The following CAPN1 variants were observed in gnomAD, a reference collection of about 807,000 sequenced individuals.
CAPN1 encodes calpain 1.
CAPN1 carries 77 observed loss-of-function variants against 105.2 expected under a neutral mutation model. That is an observed-to-expected ratio of 0.73 (90% CI 0.61 to 0.88). The LOEUF is 0.88. Among genes scored for constraint, CAPN1 ranks in the 40% least tolerant of loss-of-function variants. CAPN1 has a pLI of 0.00. For synonymous variants in CAPN1, 355 were observed against 388.8 expected, an observed-to-expected ratio of 0.91 and a Z score of 1.02; for missense variants, 833 against 976.6, an observed-to-expected ratio of 0.85 and a Z score of 1.96.
chr11:65,189,165 A>C (rs566307150), intron 10 of CAPN1, among the ~76,000 whole-genome samples: 4 of 152,200 alleles, frequency 2.6e-5, no homozygotes, highest in Non-Finnish European at 2.9e-5. Flanking sequence ...CTGGGATTAC[A>C]GGCACCTACC....
In CAPN1 at chr11:65,186,184, A is replaced by G; in HGVS notation, c.605A>G (p.Tyr202Cys). ...GCTGCCCACAGGGTAAATGGCAGCT[A>G]CGAGGCCCTGTCAGGGGGCAGCACC... ...EKAYAKVNGS[Y>C]EALSGGSTSE... is the part of the protein sequence containing the mutation. The change falls in exon 6 of 22, where the codon TAC becomes TGC. Residue 202 changes from tyrosine (Y) to cysteine (C), a missense_variant. Tyr to Cys is a radical substitution (Grantham distance 194). Transcript: ENST00000279247. 6.2e-7 allele frequency: 1 copy of G among 1,613,382 alleles called. No individual in the cohort carries two copies. The highest frequency in any genetic ancestry group is 8.5e-7 in the Non-Finnish European group (1 of 1,179,620).
chr11:65,208,924 C>A lies in CAPN1; in HGVS notation c.1730-399C>A. 1 of 268,066 alleles carries A rather than the reference C, an allele frequency of 3.7e-6. No homozygotes were observed. The highest frequency in any genetic ancestry group is 7.4e-6 in the Non-Finnish European group (1 of 135,844). The allele number at this position is 268,066 out of a possible 1,614,324, so 16.6% of individuals were successfully genotyped here. A position where few individuals can be genotyped will look rare whatever the true frequency, so the allele number is the denominator to read the frequency against. ...GCAGACAACTGCTGGCCTCTCATCC[C>A]CTCCCCTCCCCTTTGCTGCCACTGA... On this transcript the variant is annotated intron_variant, in intron 16 of 21. Transcript: ENST00000279247. This position sits in a 1 kb window ranked among gnomAD's most constrained non-coding sequence, Gnocchi z 4.1.
At chr11:65,185,366 G>C (rs1948616916) in intron 4 of CAPN1, among the ~76,000 whole-genome samples, 1 of 152,062 alleles carries the variant, frequency 6.6e-6, no homozygotes, top group Non-Finnish European at 1.5e-5. Flanking sequence ...TTATGTAGAT[G>C]AAACCTCACA....
chr11:65,186,975 C>T (rs987395657), intron 6 of CAPN1, among the ~76,000 whole-genome samples: 4 of 152,194 alleles, frequency 2.6e-5, no homozygotes, highest in African/African-American at 7.2e-5. Flanking sequence ...GCAGTGTCAG[C>T]GGAGTGCCTG....
chr11:65,209,349 A>G lies in CAPN1; in HGVS notation c.1756A>G (p.Ser586Gly), dbSNP rs531407436. 1 of 1,613,814 alleles carries G rather than the reference A, an allele frequency of 6.2e-7. No homozygotes were observed. The highest frequency in any genetic ancestry group is 1.3e-5 in the African/African-American group (1 of 75,044). Residue 586 changes from serine to glycine, a missense_variant, in exon 17 of 22, where the codon AGC becomes GGC. Physicochemically the swap from Ser to Gly is moderately conservative, Grantham distance 56. Coordinates refer to ENST00000279247, the MANE Select transcript of CAPN1 (RefSeq NM_005186.4). This position sits in a 1 kb window ranked among gnomAD's most constrained non-coding sequence, Gnocchi z 4.1. ...CAAAGACCTGCGGACCAAGGGCTTCAGCCTAGAGTCGTGCCGCAGCATGGT... is the reference window on the plus strand; with the variant it reads ...CAAAGACCTGCGGACCAAGGGCTTCGGCCTAGAGTCGTGCCGCAGCATGGT... ...KHKDLRTKGFSLESCRSMVNL... is the reference protein window; with the variant it reads ...KHKDLRTKGFGLESCRSMVNL...
In CAPN1 at chr11:65,211,664, T is replaced by C; in HGVS notation, c.*378T>C. 3.0e-6 allele frequency: 1 copy of C among 329,296 alleles called. No individual in the cohort carries two copies. The highest frequency in any genetic ancestry group is 4.6e-5 in the South Asian group (1 of 21,578). 20.4% of individuals were successfully genotyped at this position (329,296 alleles called of 1,614,324 possible). ...CCGGCCTGGCCTTGCCTGCAGACTA[T>C]AAACTATAACCACTAGCTCGACACA... On this transcript the variant is annotated 3_prime_UTR_variant, in exon 22 of 22. Transcript: ENST00000279247.
intron 4 of CAPN1, among the ~76,000 whole-genome samples, chr11:65,185,511 A>G (rs889047791): frequency 6.6e-6 from 1 of 151,848 alleles, no homozygotes; most frequent in African/African-American, 2.4e-5. Flanking sequence ...TACAGATGCA[A>G]ATCTCCCCCA....
intron 12 of CAPN1, chr11:65,206,128 A>G: frequency 1.9e-6 from 1 of 523,032 alleles, no homozygotes; most frequent in East Asian, 3.3e-5. Context: ...TGGGTGTAAC[A>G]GCAGAACAGC....
intron 4 of CAPN1, 115 bp downstream of exon 4, chr11:65,183,707 G>A (rs1948588557): frequency 2.9e-6 from 2 of 697,216 alleles, no homozygotes; most frequent in Non-Finnish European, 5.0e-6. Context: ...CCTCTAGCAG[G>A]TATTTGACCT....
intron 10 of CAPN1, among the ~76,000 whole-genome samples, chr11:65,192,170 G>A (rs1448309845): frequency 6.6e-6 from 1 of 152,102 alleles, no homozygotes. Context: ...GGGAGGTAGA[G>A]GCTACAGTGA....
At chr11:65,182,657 T>C (rs762380119) in intron 1 of CAPN1, 44 bp from the exon 2 acceptor site, 27 of 1,470,352 alleles carry the variant, frequency 1.8e-5, no homozygotes, top group Non-Finnish European at 2.2e-5. Context: ...CAGGTTCTAG[T>C]CTTGGGAAGG....
intron 11 of CAPN1, 93 bp from the exon 12 acceptor site, chr11:65,205,617 C>A: frequency 1.6e-6 from 2 of 1,258,160 alleles, no homozygotes; most frequent in South Asian, 2.4e-5. Flanking sequence ...CCATCAGTCC[C>A]GTCTAAGAAC....
chr11:65,203,201 T>TTTTC (rs1948897678), intron 10 of CAPN1, among the ~76,000 whole-genome samples: 1 of 152,156 alleles, frequency 6.6e-6, no homozygotes, highest in Non-Finnish European at 1.5e-5. Flanking sequence ...ATTCTCTCTT[T>TTTTC]TTTTTTTTAA....
Position 65,209,977 on chromosome 11 carries a change from G to A in CAPN1, c.1864-41G>A, listed in dbSNP as rs200946948. On this transcript the variant is annotated intron_variant, in intron 18 of 21. Transcript: ENST00000279247. The surrounding 1 kb of genome is among the most constrained non-coding windows in gnomAD (Gnocchi z 4.1). The stretch of plus-strand genomic sequence containing the variant: ...GCGGGCCGGGCAGGTGGGAAGGGCC[G>A]GGTGACTCAGCCTGGCCCTCACCCT... The A allele has an allele frequency of 1.1e-5, 17 of 1,610,060 alleles. No homozygotes were observed. Among genetic ancestry groups the A allele is most frequent in the East Asian group, 6.7e-5 (3 of 44,852 alleles).
chr11:65,205,882 CAT>C (rs1410293253), intron 12 of CAPN1, 161 bp downstream of exon 12: 1 of 692,210 alleles, frequency 1.4e-6, no homozygotes, highest in Non-Finnish European at 2.6e-6. Flanking sequence ...GCAGAGCAAA[CAT>C]TGCTCTCCTG....
At chr11:65,196,278 A>G (rs911266307) in intron 10 of CAPN1, among the ~76,000 whole-genome samples, 2 of 150,446 alleles carry the variant, frequency 1.3e-5, no homozygotes, top group African/African-American at 4.9e-5. Flanking sequence ...CAATTTGCCC[A>G]TTTTCTTTTT....
intron 12 of CAPN1, 106 bp downstream of exon 12, chr11:65,205,827 C>T (rs533729468): frequency 2.0e-6 from 2 of 999,920 alleles, no homozygotes; most frequent in Admixed American, 3.6e-5. Context: ...AAGAAGTCAC[C>T]TTGTTTCACT....
rs148743672 is a variant in CAPN1, at chr11:65,209,374, T to C, written c.1781T>C (p.Val594Ala). ...GFSLESCRSMVNLMDRDGNGK... is the reference protein window; with the variant it reads ...GFSLESCRSMANLMDRDGNGK... ...AGCCTAGAGTCGTGCCGCAGCATGG[T>C]GAACCTCATGGATGTATCCTTCCGT... Residue 594 changes from valine (V) to alanine (A), a missense_variant, in exon 17 of 22, where the codon GTG (valine) becomes GCG (alanine). Transcript: ENST00000279247. The surrounding 1 kb of genome is among the most constrained non-coding windows in gnomAD (Gnocchi z 4.1). 5,143 of 1,613,618 alleles carry C rather than the reference T, an allele frequency of 3.2e-3. 18 individuals carry two copies. Among genetic ancestry groups the C allele is most frequent in the Non-Finnish European group, 3.9e-3 (4,653 of 1,179,670 alleles).
upstream of CAPN1, chr11:65,181,670 C>T (rs953856410): frequency 4.5e-5 from 15 of 335,932 alleles, no homozygotes; most frequent in Admixed American, 2.1e-4. This position sits in a 1 kb window ranked among gnomAD's most constrained non-coding sequence, Gnocchi z 4.6. Flanking sequence ...CGCGCCCCAG[C>T]CCCCCCATCC....
Sources: allele counts gnomAD v4.1 joint callset (sites outside exome capture counted in the v4.1 genomes callset), GRCh38; gene constraint gnomAD v4.1.1; non-coding constraint Gnocchi (gnomAD v3.1); transcripts MANE v1.5; gene names NCBI Gene and HGNC (gene_info 2026-07-23, HGNC 2026-07-21).